Variants in ARHGEF10L observed in about 807,000 individuals in gnomAD.
ARHGEF10L encodes Rho guanine nucleotide exchange factor 10 like, also known as rho guanine nucleotide exchange factor 10-like protein.
Under a neutral mutation model 141.2 loss-of-function variants are expected in ARHGEF10L, and 69 were observed. The ratio of observed to expected loss-of-function variants is 0.49; its 90% confidence interval spans 0.40 to 0.60. ARHGEF10L has a LOEUF of 0.60. ARHGEF10L is among the 20% of genes least tolerant of loss of function. The pLI is 0.00. For missense variants in ARHGEF10L, 1,482 were observed against 1,734.3 expected, an observed-to-expected ratio of 0.85 and a Z score of 2.58; for synonymous variants, 711 against 718.5, an observed-to-expected ratio of 0.99 and a Z score of 0.17.
At chr1:17,630,128 C>T (rs1255995107) in intron 15 of ARHGEF10L, among the ~76,000 whole-genome samples, 1 of 152,192 alleles carries the variant, frequency 6.6e-6, no homozygotes, top group Non-Finnish European at 1.5e-5. Context: ...CTCCAGGGCC[C>T]TCCCTGGACA....
In ARHGEF10L at chr1:17,617,831, C is replaced by T. The variant is rs998743631; in HGVS notation, c.836-1508C>T. Among the ~76,000 whole-genome samples, 6 of 152,164 alleles carry T rather than the reference C, an allele frequency of 3.9e-5. 1 individual carries two copies. In the South Asian group the frequency reaches 1.2e-3, roughly 32 times the overall value. On this transcript the variant is annotated intron_variant, in intron 9 of 28. Transcript: ENST00000361221. Reference sequence around the variant, plus strand: ...AGAGCCCCATGTAGCAGACGTTATTCTTGGTGGGCGGTCAGTCCCTAAGTG... The same window carrying T: ...AGAGCCCCATGTAGCAGACGTTATTTTTGGTGGGCGGTCAGTCCCTAAGTG...
In ARHGEF10L at chr1:17,623,767, G is replaced by A. The variant is rs2060231366; in HGVS notation, c.1200+592G>A. 6.6e-6 allele frequency among the ~76,000 whole-genome samples: 1 copy of A among 152,196 alleles called. No individual in the cohort carries two copies. The highest frequency in any genetic ancestry group is 2.1e-4 in the South Asian group (1 of 4,830). Reference sequence around the variant, plus strand: ...TGTTCATGGGGTGAGGGAAGGTCAAGTTGGTAGCACTCTACTTTGATGTGT... The same window carrying A: ...TGTTCATGGGGTGAGGGAAGGTCAAATTGGTAGCACTCTACTTTGATGTGT... On this transcript the variant is annotated intron_variant, in intron 12 of 28. Transcript: ENST00000361221. This position sits in a 1 kb window ranked among gnomAD's most constrained non-coding sequence, Gnocchi z 4.7.
chr1:17,575,386 T>G (rs1259745484), intron 1 of ARHGEF10L, among the ~76,000 whole-genome samples: 2 of 152,224 alleles, frequency 1.3e-5, no homozygotes, highest in Non-Finnish European at 2.9e-5. Flanking sequence ...AAGGAAGCTT[T>G]GCAGAGGAGA....
Position 17,654,235 on chromosome 1 carries a change from C to T in ARHGEF10L, c.2395-401C>T, listed in dbSNP as rs143034386. 5.3e-3 allele frequency among the ~76,000 whole-genome samples: 810 copies of T among 152,268 alleles called. 11 individuals carry two copies. The highest frequency in any genetic ancestry group is 0.018 in the African/African-American group (761 of 41,552). On this transcript the variant is annotated intron_variant, in intron 22 of 28. Transcript: ENST00000361221. The surrounding 1 kb of genome is among the most constrained non-coding windows in gnomAD (Gnocchi z 4.3). Reference sequence around the variant, plus strand: ...GACAGGCTGAGCCCTGGTTTCTGTGCGTGGCCCTCACAAGCCGCCCAGCCC... The same window carrying T: ...GACAGGCTGAGCCCTGGTTTCTGTGTGTGGCCCTCACAAGCCGCCCAGCCC...
chr1:17,560,526 G>A (rs2100824405), intron 1 of ARHGEF10L, among the ~76,000 whole-genome samples: 1 of 152,310 alleles, frequency 6.6e-6, no homozygotes, highest in Non-Finnish European at 1.5e-5. Context: ...CAGTAATGGG[G>A]CCTGGGCTTG....
chr1:17,679,948 G>T (rs924286833), intron 26 of ARHGEF10L, among the ~76,000 whole-genome samples: 1 of 152,116 alleles, frequency 6.6e-6, no homozygotes, highest in Non-Finnish European at 1.5e-5. Flanking sequence ...GGCCGGGAAT[G>T]GGTGGCACAG....
In ARHGEF10L at chr1:17,619,987, G is replaced by A. The variant is rs1344104095; in HGVS notation, c.942+542G>A. On this transcript the variant is annotated intron_variant, in intron 10 of 28. Transcript: ENST00000361221. The surrounding 1 kb of genome is among the most constrained non-coding windows in gnomAD (Gnocchi z 5.0). ...GTGGGTCAGCTGAGGTCAGGAGTTC[G>A]AGACCATCCTGGCCAACATGGTGAA... 6.6e-6 allele frequency among the ~76,000 whole-genome samples: 1 copy of A among 151,970 alleles called. No individual in the cohort carries two copies. The highest frequency in any genetic ancestry group is 2.1e-4 in the South Asian group (1 of 4,800).
intron 1 of ARHGEF10L, 83 bp from the exon 2 acceptor site, chr1:17,580,470 G>A: frequency 8.0e-7 from 1 of 1,252,676 alleles, no homozygotes; most frequent in Non-Finnish European, 1.1e-6. Flanking sequence ...CTGAAGCACA[G>A]GTTGTGAGCC....
chr1:17,669,923 G>A (rs998119806), intron 26 of ARHGEF10L, among the ~76,000 whole-genome samples: 1 of 152,252 alleles, frequency 6.6e-6, no homozygotes, highest in Non-Finnish European at 1.5e-5. Context: ...AAGCCCAGGG[G>A]AGGCGGGATC....
intron 23 of ARHGEF10L, 125 bp from the exon 24 acceptor site, chr1:17,655,754 T>C (rs551448115): frequency 1.2e-6 from 1 of 823,760 alleles, no homozygotes; most frequent in Admixed American, 2.6e-5. Flanking sequence ...AGGCAGGATG[T>C]GTGTGGGCAG....
At chr1:17,582,357 T>C (rs906525387) in intron 2 of ARHGEF10L, among the ~76,000 whole-genome samples, 1 of 152,224 alleles carries the variant, frequency 6.6e-6, no homozygotes, top group African/African-American at 2.4e-5. Context: ...CAGCAAACAT[T>C]TGACAAATAT....
chr1:17,668,998 C>T (rs1368406590), intron 26 of ARHGEF10L, among the ~76,000 whole-genome samples: 2 of 152,202 alleles, frequency 1.3e-5, no homozygotes, highest in Admixed American at 6.5e-5. Flanking sequence ...GGAGCCGGGG[C>T]TGCTGCTGCT....
chr1:17,637,587 C>T (rs962354734), intron 18 of ARHGEF10L, among the ~76,000 whole-genome samples: 6 of 152,142 alleles, frequency 3.9e-5, no homozygotes, highest in Admixed American at 1.3e-4. Context: ...CAAGCTCCGC[C>T]TCCCAGGTTC....
chr1:17,619,446 G>A lies in ARHGEF10L; in HGVS notation c.942+1G>A. Reference sequence around the variant, plus strand: ...GCCAGAGGGCCTGAGCCCTCAGCAGGTCTGTGGGGGAGTGGGGCAGGTGGG... The same window carrying A: ...GCCAGAGGGCCTGAGCCCTCAGCAGATCTGTGGGGGAGTGGGGCAGGTGGG... On this transcript the variant is annotated splice_donor_variant, in intron 10 of 28. Coordinates refer to ENST00000361221, the MANE Select transcript of ARHGEF10L (RefSeq NM_018125.4). LOFTEE classifies it high-confidence loss of function. The surrounding 1 kb of genome is among the most constrained non-coding windows in gnomAD (Gnocchi z 5.0). 6.3e-7 allele frequency: 1 copy of A among 1,596,826 alleles called. No homozygotes were observed. The highest frequency in any genetic ancestry group is 8.5e-7 in the Non-Finnish European group (1 of 1,172,650).
chr1:17,589,023 G>A (rs906945221), intron 4 of ARHGEF10L, among the ~76,000 whole-genome samples: 1 of 152,014 alleles, frequency 6.6e-6, no homozygotes, highest in African/African-American at 2.4e-5. Flanking sequence ...TAGGGACCCT[G>A]CCCTCTGTGC....
chr1:17,636,459 A>G (rs2061008640), intron 18 of ARHGEF10L, among the ~76,000 whole-genome samples: 5 of 152,234 alleles, frequency 3.3e-5, no homozygotes, highest in South Asian at 4.1e-4. Flanking sequence ...AACAGCATTA[A>G]TGTAATGTGA....
chr1:17,570,626 G>C (rs1443881719), intron 1 of ARHGEF10L, among the ~76,000 whole-genome samples: 1 of 152,122 alleles, frequency 6.6e-6, no homozygotes, highest in Admixed American at 6.5e-5. Flanking sequence ...AAACATTCCA[G>C]GCTCTGAGCG....
chr1:17,580,032 C>T (rs1385767976), intron 1 of ARHGEF10L, among the ~76,000 whole-genome samples: 2 of 152,254 alleles, frequency 1.3e-5, no homozygotes, highest in African/African-American at 4.8e-5. Context: ...CTCCTGCCTG[C>T]TGGTCAACCC....
chr1:17,687,826 C>A, intron 27 of ARHGEF10L, 79 bp downstream of exon 27: 1 of 1,423,374 alleles, frequency 7.0e-7, no homozygotes, highest in Non-Finnish European at 9.4e-7. Flanking sequence ...ACCTGGGCAG[C>A]CCATCCCATT....
Sources: allele counts gnomAD v4.1 joint callset (sites outside exome capture counted in the v4.1 genomes callset), GRCh38; gene constraint gnomAD v4.1.1; non-coding constraint Gnocchi (gnomAD v3.1); transcripts MANE v1.5; gene names NCBI Gene and HGNC (gene_info 2026-07-23, HGNC 2026-07-21).